The following RNPC3 variants were observed in gnomAD, a reference collection of about 807,000 sequenced individuals.
RNPC3 encodes the protein RNA-binding region-containing protein 3.
Under a neutral mutation model 67.5 loss-of-function variants are expected in RNPC3, and 48 were observed. That is an observed-to-expected ratio of 0.71 (90% confidence interval 0.56 to 0.90). The LOEUF (loss-of-function observed/expected upper bound fraction) is 0.90, where lower values mean the gene tolerates loss of function less well. RNPC3 is among the 40% of genes least tolerant of loss of function. The pLI is 0.00. For missense variants in RNPC3, 637 were observed against 626.1 expected (o/e 1.02, Z -0.19); for synonymous variants, 239 against 210.3 (o/e 1.14, Z -1.18).
intron 13 of RNPC3, chr1:103,551,314 A>C (rs568479587): frequency 4.4e-6 from 2 of 458,186 alleles, no homozygotes; most frequent in Admixed American, 4.0e-5. Flanking sequence ...TCACTTATGC[A>C]GCTCAAAAGT....
intron 14 of RNPC3, chr1:103,552,352 A>C (rs970539461): frequency 1.3e-5 from 2 of 152,172 alleles, no homozygotes; most frequent in African/African-American, 2.4e-5. Context: ...TCTTATCCAG[A>C]GACCACAGCT....
intron 10 of RNPC3, 134 bp from the exon 11 acceptor site, chr1:103,546,114 T>A (rs1651237615): frequency 9.4e-6 from 4 of 425,398 alleles, no homozygotes; most frequent in Non-Finnish European, 1.6e-5. Flanking sequence ...CATTTTATGT[T>A]AAAGTGAAAA....
intron 2 of RNPC3, among the ~76,000 whole-genome samples, chr1:103,530,156 A>G (rs768094271): frequency 1.3e-5 from 2 of 150,240 alleles, no homozygotes; most frequent in African/African-American, 2.5e-5. Context: ...AGTACCTACT[A>G]TGTGCTAGAT....
intron 14 of RNPC3, 92 bp downstream of exon 14, chr1:103,551,884 TC>T: frequency 9.7e-6 from 6 of 619,266 alleles, no homozygotes; most frequent in South Asian, 2.4e-5. Flanking sequence ...TTCAGGTATC[TC>T]TTTTTTTTTT....
In RNPC3 at chr1:103,550,995, A is replaced by G; in HGVS notation, c.1416A>G (p.Gly472=). 6.2e-7 allele frequency: 1 copy of G among 1,611,588 alleles called. No individual in the cohort carries two copies. ...GTATGAAAGGACAAGCTTTCATTGG[A>G]CTTCCTAATGAAAAAGCAGCAGCAA... The part of the protein sequence containing the change: ...EGRMKGQAFI[G]LPNEKAAAKA... The change falls in exon 13 of 15, where the codon GGA becomes GGG. Residue 472 remains glycine, a synonymous_variant. Transcript: ENST00000423855.
At chr1:103,533,908 T>C (rs1191905990) in intron 3 of RNPC3, 51 bp downstream of exon 3, 2 of 954,366 alleles carry the variant, frequency 2.1e-6, no homozygotes, top group Non-Finnish European at 1.6e-6. Context: ...AAAGTGTGTG[T>C]TTTTTTAAAT....
chr1:103,549,226 T>TA (rs982975699), intron 12 of RNPC3, among the ~76,000 whole-genome samples: 7 of 152,174 alleles, frequency 4.6e-5, no homozygotes, highest in Non-Finnish European at 7.4e-5. Context: ...AAATTAAAAG[T>TA]AAGAAGAAGT....
chr1:103,541,387 A>G lies in RNPC3; in HGVS notation c.805A>G (p.Lys269Glu), dbSNP rs1327311657. Residue 269 changes from lysine (K) to glutamate (E), a missense_variant, in exon 8 of 15, where the codon AAA becomes GAA. Lys to Glu is a moderately conservative substitution (Grantham distance 56). Coordinates refer to ENST00000423855, the MANE Select transcript of RNPC3 (RefSeq NM_017619.4). Reference protein sequence around the residue: ...KLMELANLQPKRPKTIKQRHV... With the variant: ...KLMELANLQPERPKTIKQRHV... ...AATGGAACTAGCAAATCTTCAGCCC[A>G]AAAGACCTAAAACAATAAAGCAGCG... 6.6e-7 allele frequency: 1 copy of G among 1,507,622 alleles called. No individual in the cohort carries two copies. 93.4% of individuals were successfully genotyped at this position (1,507,622 alleles called of 1,614,324 possible).
At chr1:103,540,321 A>G (rs1557758628) in intron 7 of RNPC3, among the ~76,000 whole-genome samples, 1 of 152,190 alleles carries the variant, frequency 6.6e-6, no homozygotes. Context: ...CTCATCCCCA[A>G]GAGATCTCAC....
intron 4 of RNPC3, 54 bp downstream of exon 4, chr1:103,534,911 G>A: frequency 4.0e-6 from 4 of 1,007,526 alleles, no homozygotes; most frequent in Non-Finnish European, 5.8e-6. Flanking sequence ...ATATACAGAT[G>A]TACAGATATC....
intron 9 of RNPC3, 118 bp downstream of exon 9, chr1:103,543,565 T>C (rs1570623279): frequency 1.4e-6 from 1 of 739,062 alleles, no homozygotes; most frequent in East Asian, 3.3e-5. Flanking sequence ...ATGCAATTAG[T>C]GTTTCCCAAA....
intron 7 of RNPC3, among the ~76,000 whole-genome samples, chr1:103,540,245 T>C (rs929312800): frequency 6.6e-6 from 1 of 152,220 alleles, no homozygotes; most frequent in African/African-American, 2.4e-5. Flanking sequence ...TGTATAAAAT[T>C]ATCTTCAGTC....
rs540366807 is a variant in RNPC3 at position 103,539,800 on chromosome 1, T to G, written c.768-1550T>G. ...ATCCAAAATGCTTCAGACTCTGTAA[T>G]TTTTTGAGTACCAGTATGATACCAC... is the stretch of plus-strand genomic sequence containing the variant. On this transcript the variant is annotated intron_variant, in intron 7 of 14. Coordinates refer to ENST00000423855, the MANE Select transcript of RNPC3 (RefSeq NM_017619.4). Among the ~76,000 whole-genome samples the G allele has an allele frequency of 5.3e-5, 8 of 152,304 alleles. No homozygotes were observed. In the South Asian group the frequency reaches 8.3e-4, roughly 16 times the overall value.
At chr1:103,532,007 A>G (rs1041379121) in intron 2 of RNPC3, among the ~76,000 whole-genome samples, 2 of 152,132 alleles carry the variant, frequency 1.3e-5, no homozygotes, top group African/African-American at 4.8e-5. Context: ...ATTTTTGTAT[A>G]AGGTGAGAGA....
intron 12 of RNPC3, among the ~76,000 whole-genome samples, chr1:103,547,972 C>T (rs545166803): frequency 2.6e-5 from 4 of 152,290 alleles, no homozygotes; most frequent in African/African-American, 7.2e-5. Context: ...GCTGCCAAGG[C>T]TTGACGTTTG....
intron 8 of RNPC3, among the ~76,000 whole-genome samples, chr1:103,542,770 A>G (rs1478569725): frequency 6.6e-6 from 1 of 151,820 alleles, no homozygotes; most frequent in South Asian, 2.1e-4. Flanking sequence ...GTATGAAAAC[A>G]TAATGTAAAA....
intron 8 of RNPC3, among the ~76,000 whole-genome samples, chr1:103,542,361 G>A (rs1651142522): frequency 6.6e-6 from 1 of 152,022 alleles, no homozygotes; most frequent in African/African-American, 2.4e-5. Context: ...GTAGGAAAAT[G>A]TATTGAATAG....
intron 2 of RNPC3, 34 bp from the exon 3 acceptor site, chr1:103,533,705 T>A (rs1286888130): frequency 6.0e-6 from 7 of 1,160,292 alleles, no homozygotes; most frequent in East Asian, 2.6e-5. Flanking sequence ...TTGGTACAAT[T>A]GTGAAATGTT....
chr1:103,532,874 G>T lies in RNPC3; in HGVS notation c.241-865G>T, dbSNP rs538363811. ...TAAAGCATTAACCTGATTGAAATAG[G>T]TTTGAAACTGAATAGGCAGAGAGGA... On this transcript the variant is annotated intron_variant, in intron 2 of 14. Transcript: ENST00000423855. 3.9e-5 allele frequency among the ~76,000 whole-genome samples: 6 copies of T among 152,142 alleles called. No homozygotes were observed. In the East Asian group the frequency reaches 1.2e-3, roughly 29 times the overall value.
Sources: allele counts gnomAD v4.1 joint callset (sites outside exome capture counted in the v4.1 genomes callset), GRCh38; gene constraint gnomAD v4.1.1; transcripts MANE v1.5; gene names NCBI Gene and HGNC (gene_info 2026-07-23, HGNC 2026-07-21).